GAB2: variants seen among roughly 807,000 people sequenced by gnomAD.
The protein encoded by GAB2 is GRB2-associated-binding protein 2.
In GAB2, 26 loss-of-function variants were observed where a neutral mutation model predicts 65.5. The observed-to-expected ratio is 0.40, with a 90% CI of 0.29 to 0.55. The LOEUF is 0.55. Ranked by LOEUF, GAB2 falls within the 20% of genes least tolerant of loss-of-function variation. The probability of loss-of-function intolerance (pLI) is 0.53; values close to 1 mark genes in which losing one functional copy is unlikely to be tolerated. For synonymous variants in GAB2, 321 were observed against 329.6 expected, an observed-to-expected ratio of 0.97 and a Z score of 0.28; for missense variants, 884 against 875.8, an observed-to-expected ratio of 1.01 and a Z score of -0.12.
chr11:78,304,791 T>C (rs1855317691), intron 1 of GAB2, among the ~76,000 whole-genome samples: 1 of 152,210 alleles, frequency 6.6e-6, no homozygotes, highest in South Asian at 2.1e-4. Flanking sequence ...TCTAAACTAC[T>C]CAGGATAGCA....
intron 2 of GAB2, among the ~76,000 whole-genome samples, chr11:78,269,426 A>G (rs951540792): frequency 2.5e-4 from 38 of 152,182 alleles, no homozygotes; most frequent in Admixed American, 1.1e-3. Context: ...CTCTCTTTTC[A>G]TGGTGGGGGA....
intron 1 of GAB2, among the ~76,000 whole-genome samples, chr11:78,291,571 T>C (rs1416878346): frequency 1.4e-4 from 16 of 116,242 alleles, no homozygotes; most frequent in African/African-American, 5.1e-4. Flanking sequence ...CTTTTTTTTT[T>C]TTTTTTTTTT....
At chr11:78,306,136 A>G (rs1038494113) in intron 1 of GAB2, among the ~76,000 whole-genome samples, 1 of 152,184 alleles carries the variant, frequency 6.6e-6, no homozygotes, top group Non-Finnish European at 1.5e-5. Flanking sequence ...CTTTACCCCA[A>G]ATGGACATGA....
At chr11:78,293,782 A>G (rs1256297477) in intron 1 of GAB2, among the ~76,000 whole-genome samples, 2 of 152,236 alleles carry the variant, frequency 1.3e-5, no homozygotes, top group Non-Finnish European at 2.9e-5. Flanking sequence ...CTGAAGTTGC[A>G]GGAACCACTA....
At chr11:78,399,618 C>T (rs527576112) in intron 1 of GAB2, among the ~76,000 whole-genome samples, 4 of 152,284 alleles carry the variant, frequency 2.6e-5, no homozygotes, top group African/African-American at 9.6e-5. Context: ...ATGTGCTACC[C>T]AGCTTGAGAA....
At chr11:78,304,244 A>G (rs1421100904) in intron 1 of GAB2, among the ~76,000 whole-genome samples, 1 of 152,088 alleles carries the variant, frequency 6.6e-6, no homozygotes, top group Non-Finnish European at 1.5e-5. Flanking sequence ...ACCCCTTTCA[A>G]GTATACAATT....
chr11:78,318,260 C>G (rs1243719789), intron 1 of GAB2: 2 of 150,220 alleles, frequency 1.3e-5, no homozygotes, highest in Non-Finnish European at 2.9e-5. Context: ...GAGGAGGGAC[C>G]AGCACAAGCA....
chr11:78,314,649 T>TA (rs1379021821), intron 1 of GAB2, among the ~76,000 whole-genome samples: 1 of 152,208 alleles, frequency 6.6e-6, no homozygotes, highest in Non-Finnish European at 1.5e-5. Flanking sequence ...TATATAGAAG[T>TA]ACCTTGCTTT....
intron 1 of GAB2, among the ~76,000 whole-genome samples, chr11:78,323,391 T>C (rs1268961359): frequency 6.6e-6 from 1 of 151,838 alleles, no homozygotes; most frequent in Non-Finnish European, 1.5e-5. Flanking sequence ...GTGCCTGTAA[T>C]CCCAGCTACT....
At chr11:78,299,631 C>T (rs1009161944) in intron 1 of GAB2, among the ~76,000 whole-genome samples, 1 of 152,222 alleles carries the variant, frequency 6.6e-6, no homozygotes, top group Non-Finnish European at 1.5e-5. Flanking sequence ...CTTGGCTTCT[C>T]TTCCCTGGTC....
In GAB2 at chr11:78,250,286, G is replaced by C; in HGVS notation, c.491C>G (p.Ser164Cys). 1 of 1,613,744 alleles carries C rather than the reference G, an allele frequency of 6.2e-7. No homozygotes were observed. The highest frequency in any genetic ancestry group is 1.1e-5 in the South Asian group (1 of 91,016). Residue 164 changes from serine to cysteine, a missense_variant, in exon 3 of 10, where the codon TCC becomes TGC. Transcript: ENST00000361507. ...RERKSSAPSHSSQPTLFTFEP... is the reference protein window; with the variant it reads ...RERKSSAPSHCSQPTLFTFEP... Reference sequence around the variant, plus strand: ...AAACGTGAACAGAGTTGGCTGGCTGGAGTGTGATGGGGCTGAGGACTTGCG... The same window carrying C: ...AAACGTGAACAGAGTTGGCTGGCTGCAGTGTGATGGGGCTGAGGACTTGCG...
intron 1 of GAB2, among the ~76,000 whole-genome samples, chr11:78,323,790 C>CTTTTTTTTTTTTTTTTTTTT (rs749282969): frequency 5.2e-5 from 4 of 77,264 alleles, no homozygotes; most frequent in African/African-American, 2.0e-4. Flanking sequence ...CTGAATCTTT[C>CTTTTTTTTTTTTTTTTTTTT]TTTTTTTTTT....
At position 78,226,949 on chromosome 11, in the gene GAB2, G is replaced by A. The variant is rs983652446; in HGVS notation, c.723C>T (p.Ile241=). ...AQGNGHCVNG[I]SGQVHGFYSL... ...TATAGAAGCCATGGACTTGACCACTGATCCCGTTGACACAGTGTCCATTGC... is the reference window on the plus strand; with the variant it reads ...TATAGAAGCCATGGACTTGACCACTAATCCCGTTGACACAGTGTCCATTGC... The change falls in exon 4 of 10, where the codon ATC becomes ATT. Residue 241 remains isoleucine (I), a synonymous_variant. Transcript: ENST00000361507. The A allele has an allele frequency of 1.2e-6, 2 of 1,613,538 alleles. No homozygotes were observed. Among genetic ancestry groups the A allele is most frequent in the Admixed American group, 1.7e-5 (1 of 60,008 alleles).
intron 1 of GAB2, among the ~76,000 whole-genome samples, chr11:78,402,567 AC>A (rs1036898146): frequency 1.6e-5 from 1 of 61,050 alleles, no homozygotes; most frequent in Non-Finnish European, 3.2e-5. Context: ...CCCCACCCCC[AC>A]CCCCAATCGC....
intron 3 of GAB2, among the ~76,000 whole-genome samples, chr11:78,236,855 CA>C (rs1408721970): frequency 2.0e-5 from 3 of 152,100 alleles, no homozygotes; most frequent in Non-Finnish European, 4.4e-5. Context: ...CTAATGTATA[CA>C]CACATGCATA....
chr11:78,282,411 G>A lies in GAB2; in HGVS notation c.76-1510C>T, dbSNP rs182972333. On this transcript the variant is annotated intron_variant, in intron 1 of 9. Coordinates refer to ENST00000361507, the MANE Select transcript of GAB2 (RefSeq NM_080491.3). ...AACCTCTGCCTCCTGGGTTCAAGCG[G>A]ATTTATCCTGCCTCAGCCTACGGAG... Among the ~76,000 whole-genome samples, 36 of 151,958 alleles carry A rather than the reference G, an allele frequency of 2.4e-4. No homozygotes were observed. The East Asian group carries it at 6.6e-3, about 28-fold the overall frequency.
At chr11:78,398,017 T>C (rs1856923171) in intron 1 of GAB2, among the ~76,000 whole-genome samples, 1 of 101,486 alleles carries the variant, frequency 9.9e-6, no homozygotes, top group African/African-American at 6.0e-5. Flanking sequence ...TGCCTGTGAA[T>C]AGCTACACAC....
At chr11:78,257,678 A>T (rs1342194780) in intron 2 of GAB2, among the ~76,000 whole-genome samples, 1 of 152,196 alleles carries the variant, frequency 6.6e-6, no homozygotes, top group South Asian at 2.1e-4. Flanking sequence ...GGTCACAATT[A>T]TATGCCGTAC....
chr11:78,341,953 G>A, intron 1 of GAB2: 1 of 880,236 alleles, frequency 1.1e-6, no homozygotes, highest in African/African-American at 1.8e-5. Context: ...AGCCTGTGTG[G>A]AAGGGAGACA....
Sources: allele counts gnomAD v4.1 joint callset (sites outside exome capture counted in the v4.1 genomes callset), GRCh38; gene constraint gnomAD v4.1.1; transcripts MANE v1.5; gene names NCBI Gene and HGNC (gene_info 2026-07-23, HGNC 2026-07-21).